The following POTEE variants were observed in gnomAD, a reference collection of about 807,000 sequenced individuals.
POTEE encodes the protein POTE ankyrin domain family member E.
Under a neutral mutation model 74.2 loss-of-function variants are expected in POTEE, and 21 were observed. That is an observed-to-expected ratio of 0.28 (90% CI 0.20 to 0.41). The LOEUF (loss-of-function observed/expected upper bound fraction) is 0.41. Among genes scored for constraint, POTEE ranks in the 10% least tolerant of loss-of-function variants. The probability of loss-of-function intolerance (pLI) is 1.00; values close to 1 mark genes in which losing one functional copy is unlikely to be tolerated. For synonymous variants in POTEE, 211 were observed against 432.8 expected, an observed-to-expected ratio of 0.49 and a Z score of 6.36; for missense variants, 525 against 1,158.6, an observed-to-expected ratio of 0.45 and a Z score of 7.94.
chr2:131,231,858 G>T (rs1285611102), intron 9 of POTEE, among the ~76,000 whole-genome samples: 3 of 152,138 alleles, frequency 2.0e-5, no homozygotes, highest in African/African-American at 2.4e-5. Flanking sequence ...AGTCCAAACT[G>T]TATGAGGACA....
intron 4 of POTEE, among the ~76,000 whole-genome samples, chr2:131,221,844 C>T (rs1478536545): frequency 4.6e-5 from 7 of 152,174 alleles, no homozygotes; most frequent in Non-Finnish European, 1.0e-4. Context: ...CATTACTCGA[C>T]AGGAGTTTTC....
At chr2:131,209,959 G>T (rs866038904) in intron 1 of POTEE, among the ~76,000 whole-genome samples, 140 bp downstream of exon 1, 93 of 145,360 alleles carry the variant, frequency 6.4e-4, no homozygotes, top group African/African-American at 2.0e-3. Context: ...TGGCGGTGGA[G>T]GGGGGCGGTT....
At chr2:131,219,993 C>G (rs1235319729) in intron 4 of POTEE, among the ~76,000 whole-genome samples, 2 of 150,366 alleles carry the variant, frequency 1.3e-5, no homozygotes, top group East Asian at 3.9e-4. Flanking sequence ...TAGAAATACC[C>G]AAATATATGT....
At position 131,218,840 on chromosome 2, in the gene POTEE, T is replaced by G; in HGVS notation, c.438T>G (p.Ala146=). 6.2e-7 allele frequency: 1 copy of G among 1,612,528 alleles called. No individual in the cohort carries two copies. The highest frequency in any genetic ancestry group is 8.5e-7 in the Non-Finnish European group (1 of 1,179,900). The part of the protein sequence containing the change: ...RGEDLDKLHR[A]AWWGKVPRKD... ...AAGATCTGGACAAGCTCCACAGAGC[T>G]GCCTGGTGGGGTAAAGTCCCCAGAA... Residue 146 remains alanine, a synonymous_variant, in exon 4 of 18, where the codon GCT becomes GCG. Transcript: ENST00000683005.
chr2:131,210,425 A>G (rs924565988), intron 1 of POTEE, among the ~76,000 whole-genome samples: 4 of 150,070 alleles, frequency 2.7e-5, no homozygotes, highest in Non-Finnish European at 4.4e-5. Flanking sequence ...GGCAGGGGTC[A>G]GGTTAGGGTT....
intron 6 of POTEE, 60 bp from the exon 7 acceptor site, chr2:131,226,763 T>A (rs540159930): frequency 6.2e-7 from 1 of 1,607,812 alleles, no homozygotes; most frequent in Non-Finnish European, 8.5e-7. Context: ...GTTTCCACTT[T>A]GGTTGAGGAA....
chr2:131,218,363 C>G lies in POTEE; in HGVS notation c.-40C>G, dbSNP rs765308327. On this transcript the variant is annotated 5_prime_UTR_variant, in exon 4 of 18. It adds an upstream start codon to the 5' untranslated region. Coordinates refer to ENST00000683005, the MANE Select transcript of POTEE (RefSeq NM_001083538.3). ...GGTGAAACTGGTTGGTAGACGCGAT[C>G]TGTTGGCTACTACTGGCTTCTCCTG... is the stretch of plus-strand genomic sequence containing the variant. The G allele has an allele frequency of 5.0e-6, 8 of 1,610,090 alleles. No homozygotes were observed. The highest frequency in any genetic ancestry group is 2.1e-4 in the Middle Eastern group (1 of 4,704).
chr2:131,219,517 G>A (rs1201352129), intron 4 of POTEE, among the ~76,000 whole-genome samples: 2 of 152,250 alleles, frequency 1.3e-5, no homozygotes, highest in Admixed American at 6.5e-5. Flanking sequence ...GGCGGATCAC[G>A]AGGTCAGGAG....
chr2:131,263,636 C>A lies in POTEE; in HGVS notation c.2181C>A (p.Pro727=). ...CKAGFAGDDA[P]RAVFPSIVGR... ...CCGGCTTTGCGGGCGACGATGCCCC[C>A]CGGGCTGTCTTCCCTTCCATCGTGG... is the stretch of plus-strand genomic sequence containing the variant. The change falls in exon 18 of 18, where the codon CCC becomes CCA. Residue 727 remains proline, a synonymous_variant. Transcript: ENST00000683005. The A allele has an allele frequency of 1.9e-6, 3 of 1,585,570 alleles. No homozygotes were observed. Among genetic ancestry groups the A allele is most frequent in the South Asian group, 1.1e-5 (1 of 88,790 alleles).
At chr2:131,232,296 AAGT>A (rs1700988338) in intron 9 of POTEE, among the ~76,000 whole-genome samples, 2 of 100,090 alleles carry the variant, frequency 2.0e-5, no homozygotes, top group Non-Finnish European at 3.9e-5. Flanking sequence ...TTTTGGGAAA[AAGT>A]AGGTATGATT....
intron 8 of POTEE, among the ~76,000 whole-genome samples, chr2:131,228,906 C>G (rs2105086644): frequency 6.9e-6 from 1 of 145,036 alleles, no homozygotes; most frequent in South Asian, 2.1e-4. Flanking sequence ...GCTTTGTGGC[C>G]ACTCAAACTG....
chr2:131,217,831 G>A (rs1172024893), intron 3 of POTEE, among the ~76,000 whole-genome samples, 148 bp downstream of exon 3: 6 of 150,524 alleles, frequency 4.0e-5, no homozygotes, highest in East Asian at 3.9e-4. Context: ...GCTTGCACGC[G>A]CACGCCGCAC....
intron 2 of POTEE, among the ~76,000 whole-genome samples, chr2:131,211,835 C>T (rs1416820948): frequency 1.3e-5 from 2 of 150,106 alleles, no homozygotes; most frequent in African/African-American, 4.9e-5. Flanking sequence ...GGATTATAGG[C>T]GTGAGCCACC....
intron 8 of POTEE, among the ~76,000 whole-genome samples, chr2:131,229,941 G>A (rs1164642655): frequency 2.6e-5 from 4 of 151,928 alleles, no homozygotes; most frequent in Non-Finnish European, 4.4e-5. Flanking sequence ...CTACTTCTCT[G>A]TGGAAACTAA....
chr2:131,263,850 G>C lies in POTEE; in HGVS notation c.2395G>C (p.Glu799Gln). The change falls in exon 18 of 18, where the codon GAG becomes CAG. Residue 799 changes from glutamate (E) to glutamine (Q), a missense_variant. Physicochemically the swap from Glu to Gln is conservative, Grantham distance 29. Coordinates refer to ENST00000683005, the MANE Select transcript of POTEE (RefSeq NM_001083538.3). ...TFYNELRVAP[E>Q]EHPILLTEAP... ...CTACAACGAGCTGCGTGTGGCTCCC[G>C]AGGAGCACCCCATCCTGCTGACCGA... is the stretch of plus-strand genomic sequence containing the variant. The C allele has an allele frequency of 6.2e-7, 1 of 1,614,172 alleles. No homozygotes were observed. The highest frequency in any genetic ancestry group is 2.2e-5 in the East Asian group (1 of 44,878).
chr2:131,212,158 C>T (rs879839999), intron 2 of POTEE, among the ~76,000 whole-genome samples: 17 of 151,714 alleles, frequency 1.1e-4, no homozygotes, highest in Admixed American at 1.0e-3. Flanking sequence ...TGGTCCTTTA[C>T]TATGTTTTAG....
intron 9 of POTEE, among the ~76,000 whole-genome samples, chr2:131,234,451 A>C (rs1326101200): frequency 3.3e-5 from 4 of 120,884 alleles, no homozygotes; most frequent in Middle Eastern, 3.9e-3. Flanking sequence ...ATATATAAAT[A>C]ACAAAATGAA....
chr2:131,262,758 A>G (rs1279133128), intron 17 of POTEE, among the ~76,000 whole-genome samples: 4 of 152,264 alleles, frequency 2.6e-5, no homozygotes, highest in East Asian at 1.9e-4. Context: ...TGTACAGTGT[A>G]GAAGGGTACA....
At position 131,211,542 on chromosome 2, in the gene POTEE, C is replaced by CTTTT. The variant is rs1163533169; in HGVS notation, c.-189+384_-189+387dup. Among the ~76,000 whole-genome samples, 26 of 11,378 alleles carry CTTTT rather than the reference C, an allele frequency of 2.3e-3. 9 individuals carry two copies. The highest frequency in any genetic ancestry group is 3.0e-3 in the Non-Finnish European group (18 of 5,996). The allele number at this position is 11,378 out of a possible 152,430, so 7.5% of individuals were successfully genotyped here. ...TGACTGTGTGTGTGTGTGTGTGTGG[C>CTTTT]TTTTTTTTTTTTTTTTTTTTTTTTT... On this transcript the variant is annotated intron_variant, in intron 2 of 17. Coordinates refer to ENST00000683005, the MANE Select transcript of POTEE (RefSeq NM_001083538.3).
Sources: gnomAD v4.1 joint callset for allele counts (sites outside exome capture counted in the v4.1 genomes callset) on GRCh38, gnomAD v4.1.1 for gene constraint, MANE v1.5 for transcripts, NCBI Gene and HGNC (gene_info 2026-07-23, HGNC 2026-07-21) for gene names.